The following ERG variants were observed in gnomAD, a reference collection of about 807,000 sequenced individuals.
The protein encoded by ERG is transcriptional regulator ERG.
In ERG, 9 loss-of-function variants were observed where a neutral mutation model predicts 55.3. The ratio of observed to expected loss-of-function variants is 0.16; its 90% confidence interval spans 0.10 to 0.28. The LOEUF is 0.28. Among genes scored for constraint, ERG ranks in the 10% least tolerant of loss-of-function variants. The pLI, the probability that ERG is intolerant of heterozygous loss-of-function variation, is 1.00. For missense variants in ERG, 434 were observed against 631.6 expected (o/e 0.69, Z 3.35); for synonymous variants, 223 against 237.3 (o/e 0.94, Z 0.55).
intron 2 of ERG, among the ~76,000 whole-genome samples, chr21:38,443,705 T>C (rs750041635): frequency 6.6e-6 from 1 of 151,976 alleles, no homozygotes; most frequent in Non-Finnish European, 1.5e-5. Context: ...TTTGGTGTCC[T>C]GGACCCATCA....
At chr21:38,610,527 G>A (rs767279322) in intron 1 of ERG, among the ~76,000 whole-genome samples, 65 of 47,494 alleles carry the variant, frequency 1.4e-3, no homozygotes, top group African/African-American at 5.7e-3. Context: ...GCGCACGCGC[G>A]TGTGTGTGTG....
At chr21:38,658,992 T>A (rs1444112878) in intron 1 of ERG, among the ~76,000 whole-genome samples, 1 of 152,248 alleles carries the variant, frequency 6.6e-6, no homozygotes, top group African/African-American at 2.4e-5. Flanking sequence ...AATCATGTAC[T>A]ACAATTCTAC....
intron 2 of ERG, among the ~76,000 whole-genome samples, chr21:38,543,691 G>C (rs1470952912): frequency 1.3e-5 from 2 of 151,918 alleles, no homozygotes; most frequent in Middle Eastern, 3.4e-3. Context: ...CCTGTGAGAA[G>C]GGGATATAAA....
chr21:38,648,887 A>G (rs2060472622), intron 1 of ERG, among the ~76,000 whole-genome samples: 1 of 152,168 alleles, frequency 6.6e-6, no homozygotes, highest in South Asian at 2.1e-4. Context: ...TAACGACGAC[A>G]CTTCAGAACT....
chr21:38,649,347 T>A lies in ERG; in HGVS notation c.-150+12311A>T, dbSNP rs115682459. Among the ~76,000 whole-genome samples the A allele has an allele frequency of 9.0e-3, 1,368 of 152,186 alleles. 19 individuals carry two copies. Among genetic ancestry groups the A allele is most frequent in the African/African-American group, 0.031 (1,293 of 41,510 alleles). On this transcript the variant is annotated intron_variant, in intron 1 of 10. Transcript: ENST00000398910. Reference sequence around the variant, plus strand: ...GGTCTCCCTTGATGATGTGGCAAACTGCAAGGACCAAGCACAGAGGCACCT... The same window carrying A: ...GGTCTCCCTTGATGATGTGGCAAACAGCAAGGACCAAGCACAGAGGCACCT...
intron 2 of ERG, among the ~76,000 whole-genome samples, chr21:38,522,735 C>A (rs1004139709): frequency 6.6e-6 from 1 of 152,122 alleles, no homozygotes; most frequent in Non-Finnish European, 1.5e-5. Context: ...GAGGTCCTGT[C>A]TCATAAATCA....
At chr21:38,498,806 G>C (rs944055949), upstream of ERG, among the ~76,000 whole-genome samples, 1 of 152,178 alleles carries the variant, frequency 6.6e-6, no homozygotes, top group African/African-American at 2.4e-5. The surrounding 1 kb of genome is among the most constrained non-coding windows in gnomAD (Gnocchi z 4.6). Context: ...TGGAGCCAAG[G>C]CGTTGAGGGC....
At chr21:38,429,245 GGTGT>G (rs918674196) in intron 2 of ERG, among the ~76,000 whole-genome samples, 9 of 150,150 alleles carry the variant, frequency 6.0e-5, no homozygotes, top group African/African-American at 1.5e-4. Context: ...AGTATTCCAT[GGTGT>G]GTGTGTGTAT....
intron 1 of ERG, among the ~76,000 whole-genome samples, chr21:38,464,518 G>T (rs1421067729): frequency 6.6e-6 from 1 of 151,946 alleles, no homozygotes; most frequent in African/African-American, 2.4e-5. Flanking sequence ...TCATATCGAC[G>T]AATTCTTTGA....
intron 1 of ERG, chr21:38,660,441 C>G (rs2060545941): frequency 6.6e-6 from 1 of 152,414 alleles, no homozygotes; most frequent in Non-Finnish European, 1.5e-5. Context: ...CCTAGGGCCA[C>G]CCCGCTGCCT....
intron 1 of ERG, among the ~76,000 whole-genome samples, chr21:38,485,405 T>C (rs1475129999): frequency 6.6e-6 from 1 of 151,612 alleles, no homozygotes; most frequent in Non-Finnish European, 1.5e-5. Context: ...TATAGTAATC[T>C]AATATGAATT....
chr21:38,594,418 T>A (rs1304223485), intron 1 of ERG, among the ~76,000 whole-genome samples: 1 of 152,206 alleles, frequency 6.6e-6, no homozygotes, highest in Non-Finnish European at 1.5e-5. Context: ...TATATAGAAT[T>A]TTCCATGGAC....
Position 38,460,073 on chromosome 21 carries a change from G to A in ERG, c.19-14452C>T, listed in dbSNP as rs555569272. Among the ~76,000 whole-genome samples the A allele has an allele frequency of 1.6e-4, 25 of 152,310 alleles. No individual in the cohort carries two copies. Among genetic ancestry groups the A allele is most frequent in the African/African-American group, 4.1e-4 (17 of 41,544 alleles). ...GGCCAGGGTGGTCCTGAGAAAACGC[G>A]AAGGAGGGGAGGGTGTGAGCCCCCA... On this transcript the variant is annotated intron_variant, in intron 1 of 9. Transcript: ENST00000288319. The surrounding 1 kb of genome is among the most constrained non-coding windows in gnomAD (Gnocchi z 5.0).
chr21:38,488,855 G>A (rs1478888651), intron 1 of ERG, among the ~76,000 whole-genome samples: 3 of 152,166 alleles, frequency 2.0e-5, no homozygotes, highest in Admixed American at 1.3e-4. Flanking sequence ...GTCTAATCAC[G>A]TCCCCTTAAA....
upstream of ERG, among the ~76,000 whole-genome samples, chr21:38,585,970 G>A (rs995043134): frequency 1.3e-5 from 2 of 151,628 alleles, no homozygotes; most frequent in African/African-American, 4.8e-5. Flanking sequence ...AAAAATAAGT[G>A]GATGAAATAA....
At chr21:38,407,696 A>T (rs1001732409) in intron 3 of ERG, among the ~76,000 whole-genome samples, 3 of 145,364 alleles carry the variant, frequency 2.1e-5, no homozygotes, top group African/African-American at 7.7e-5. Flanking sequence ...AATATATGTG[A>T]AAGTATTTTT....
At chr21:38,604,317 C>A (rs915334949) in intron 1 of ERG, among the ~76,000 whole-genome samples, 1 of 149,560 alleles carries the variant, frequency 6.7e-6, no homozygotes, top group Non-Finnish European at 1.5e-5. Context: ...AAAATGTCTA[C>A]AAAATTATGA....
At chr21:38,387,102 C>T (rs1048174735) in intron 9 of ERG, among the ~76,000 whole-genome samples, 1 of 152,144 alleles carries the variant, frequency 6.6e-6, no homozygotes, top group African/African-American at 2.4e-5. Context: ...GGTTTACAAA[C>T]CACAGAGCAA....
At chr21:38,461,099 A>G (rs2059037996) in intron 1 of ERG, among the ~76,000 whole-genome samples, 1 of 152,224 alleles carries the variant, frequency 6.6e-6, no homozygotes, top group African/African-American at 2.4e-5. Context: ...GGTTGCCAAG[A>G]CAATGTACCA....
Sources: gnomAD v4.1 joint callset for allele counts (sites outside exome capture counted in the v4.1 genomes callset) on GRCh38, gnomAD v4.1.1 for gene constraint, Gnocchi (gnomAD v3.1) non-coding constraint, MANE v1.5 for transcripts, NCBI Gene and HGNC (gene_info 2026-07-23, HGNC 2026-07-21) for gene names.